RMDN2: variants seen among roughly 807,000 people sequenced by gnomAD.
RMDN2 encodes regulator of microtubule dynamics protein 2.
RMDN2 carries 61 observed loss-of-function variants against 52.8 expected under a neutral mutation model. That is an observed-to-expected ratio of 1.16 (90% CI 0.94 to 1.43). The LOEUF (loss-of-function observed/expected upper bound fraction) is 1.43. Among genes scored for constraint, RMDN2 ranks in the 40% most tolerant of loss-of-function variants. RMDN2 has a pLI of 0.00. For synonymous variants in RMDN2, 180 were observed against 153.1 expected (o/e 1.18, Z -1.30); for missense variants, 592 against 475.3 (o/e 1.25, Z -2.28).
intron 2 of RMDN2, among the ~76,000 whole-genome samples, chr2:37,936,960 T>G (rs937733900): frequency 6.6e-6 from 1 of 152,230 alleles, no homozygotes; most frequent in African/African-American, 2.4e-5. Flanking sequence ...AGTCATGAAG[T>G]CTTTGCTCAT....
intron 2 of RMDN2, among the ~76,000 whole-genome samples, chr2:37,971,102 G>C (rs1371460870): frequency 6.6e-6 from 1 of 151,836 alleles, no homozygotes; most frequent in African/African-American, 2.4e-5. Context: ...TTGTGCTTAT[G>C]ATGTCATGTC....
chr2:37,989,480 T>C (rs1674470106), intron 5 of RMDN2, 61 bp from the exon 6 acceptor site: 2 of 1,012,874 alleles, frequency 2.0e-6, no homozygotes, highest in Admixed American at 3.9e-5. Flanking sequence ...TATGTTTTGG[T>C]GGCATTTTGT....
At position 37,989,823 on chromosome 2, in the gene RMDN2, G is replaced by T. The variant is rs1005317635; in HGVS notation, c.867+207G>T. On this transcript the variant is annotated intron_variant, in intron 6 of 10. Transcript: ENST00000354545. ...TCTTTAAATAGTACTGTGACAAAAAGAATTAAATTATTTGGGTGATTAAAG... is the reference window on the plus strand; with the variant it reads ...TCTTTAAATAGTACTGTGACAAAAATAATTAAATTATTTGGGTGATTAAAG... 2.0e-5 allele frequency among the ~76,000 whole-genome samples: 3 copies of T among 152,098 alleles called. No individual in the cohort carries two copies. In the East Asian group the frequency reaches 5.8e-4, roughly 29 times the overall value.
chr2:37,931,026 C>A (rs1265728520), intron 2 of RMDN2, among the ~76,000 whole-genome samples: 2 of 144,682 alleles, frequency 1.4e-5, no homozygotes, highest in African/African-American at 5.2e-5. Flanking sequence ...CCGACTAGGT[C>A]TCTTTTCTGA....
chr2:37,992,518 A>G (rs902677099), intron 7 of RMDN2, among the ~76,000 whole-genome samples: 2 of 152,200 alleles, frequency 1.3e-5, no homozygotes, highest in African/African-American at 4.8e-5. Flanking sequence ...AACAACTCAC[A>G]TGTTTTACTT....
intron 2 of RMDN2, chr2:37,950,291 C>T: frequency 1.7e-6 from 1 of 574,192 alleles, no homozygotes; most frequent in East Asian, 3.3e-5. Context: ...GTTTTCCCAC[C>T]CCTGGATTTG....
chr2:38,061,222 C>T (rs1489827035), intron 10 of RMDN2, among the ~76,000 whole-genome samples: 2 of 151,962 alleles, frequency 1.3e-5, no homozygotes, highest in Non-Finnish European at 2.9e-5. Context: ...ACATCCTCCC[C>T]ATGTGAAGGA....
intron 10 of RMDN2, chr2:38,026,951 A>G (rs1350046613): frequency 6.6e-6 from 1 of 151,686 alleles, no homozygotes; most frequent in South Asian, 2.1e-4. Flanking sequence ...GTTTTCAGGT[A>G]TCTTTCTGTA....
intron 2 of RMDN2, among the ~76,000 whole-genome samples, chr2:37,966,214 C>T (rs568568920): frequency 1.3e-5 from 2 of 152,104 alleles, no homozygotes; most frequent in East Asian, 1.9e-4. Context: ...GAGGTCAAAT[C>T]GAGACCATCC....
intron 2 of RMDN2, chr2:37,949,860 T>C (rs1668568488): frequency 6.5e-6 from 1 of 153,530 alleles, no homozygotes; most frequent in Non-Finnish European, 1.4e-5. Context: ...AAGGACAGTG[T>C]TTCTTTTCTA....
chr2:38,042,404 CACACACACACACACACACA>C (rs1681013403), intron 10 of RMDN2, among the ~76,000 whole-genome samples: 3 of 103,128 alleles, frequency 2.9e-5, no homozygotes, highest in Non-Finnish European at 5.3e-5. Context: ...CTCCCCCCGC[CACACACACACACACACACA>C]CCACACACAC....
intron 2 of RMDN2, among the ~76,000 whole-genome samples, chr2:37,966,358 A>C (rs904835792): frequency 6.6e-6 from 1 of 152,150 alleles, no homozygotes; most frequent in South Asian, 2.1e-4. Flanking sequence ...CAGAACTTAC[A>C]GTGAGCCGAG....
At chr2:38,009,828 C>T (rs995024269) in intron 10 of RMDN2, among the ~76,000 whole-genome samples, 6 of 152,218 alleles carry the variant, frequency 3.9e-5, no homozygotes, top group African/African-American at 1.4e-4. Context: ...GTTTTTTCCC[C>T]ATCTTTGTGG....
chr2:38,046,520 T>TA (rs1288861721), intron 10 of RMDN2, among the ~76,000 whole-genome samples: 1 of 151,726 alleles, frequency 6.6e-6, no homozygotes, highest in African/African-American at 2.4e-5. Context: ...TCAAAGAATT[T>TA]AAAAAAAGAT....
At chr2:37,967,538 G>A (rs1010052880) in intron 2 of RMDN2, among the ~76,000 whole-genome samples, 1 of 152,194 alleles carries the variant, frequency 6.6e-6, no homozygotes, top group African/African-American at 2.4e-5. Flanking sequence ...GATGCTCAAG[G>A]TATTTTGCTT....
intron 10 of RMDN2, among the ~76,000 whole-genome samples, chr2:38,059,238 A>T (rs1681951639): frequency 6.6e-6 from 1 of 152,226 alleles, no homozygotes; most frequent in Non-Finnish European, 1.5e-5. Context: ...TTTAAATTTA[A>T]ATAGCCACAT....
chr2:37,940,976 G>T (rs951693218), intron 2 of RMDN2, among the ~76,000 whole-genome samples: 1 of 152,092 alleles, frequency 6.6e-6, no homozygotes, highest in Non-Finnish European at 1.5e-5. Flanking sequence ...GAGTCATTCT[G>T]GTTTTTGGAA....
At chr2:37,968,110 A>T (rs976529396) in intron 2 of RMDN2, among the ~76,000 whole-genome samples, 1 of 152,218 alleles carries the variant, frequency 6.6e-6, no homozygotes, top group Non-Finnish European at 1.5e-5. Context: ...TTGGTCTCCC[A>T]CAAAGATATT....
At chr2:38,060,932 T>A (rs969542473) in intron 10 of RMDN2, among the ~76,000 whole-genome samples, 3 of 152,208 alleles carry the variant, frequency 2.0e-5, no homozygotes, top group Admixed American at 6.5e-5. Context: ...CAATCAGATA[T>A]AATAAAACTT....
Sources: gnomAD v4.1 joint callset for allele counts (sites outside exome capture counted in the v4.1 genomes callset) on GRCh38, gnomAD v4.1.1 for gene constraint, MANE v1.5 for transcripts, NCBI Gene and HGNC (gene_info 2026-07-23, HGNC 2026-07-21) for gene names.